Variants in SPATS2 observed in about 807,000 individuals in gnomAD.
SPATS2 encodes the protein spermatogenesis-associated serine-rich protein 2.
A neutral mutation model predicts 63.7 loss-of-function variants in SPATS2; 38 were observed. The observed-to-expected ratio is 0.60, with a 90% CI of 0.46 to 0.78. The LOEUF is 0.78. SPATS2 is among the 30% of genes least tolerant of loss of function. The probability of loss-of-function intolerance (pLI) is 0.00; values close to 1 mark genes in which losing one functional copy is unlikely to be tolerated. For missense variants in SPATS2, 588 were observed against 666.2 expected (o/e 0.88, Z 1.29); for synonymous variants, 207 against 232.9 (o/e 0.89, Z 1.01).
At chr12:49,394,388 AGTC>A (rs1944473664) in intron 2 of SPATS2, among the ~76,000 whole-genome samples, 1 of 151,920 alleles carries the variant, frequency 6.6e-6, no homozygotes, top group South Asian at 2.1e-4. Flanking sequence ...CTGCAAAAAA[AGTC>A]TGCTGGGATT....
At chr12:49,460,346 C>G (rs542276502) in intron 2 of SPATS2, among the ~76,000 whole-genome samples, 3 of 149,788 alleles carry the variant, frequency 2.0e-5, no homozygotes. Context: ...CCCAGCTACT[C>G]GGGAGGCTGA....
rs377023514 is a variant in SPATS2 at position 49,525,895 on chromosome 12, G to C, written c.1327-49G>C. The C allele has an allele frequency of 6.0e-5, 95 of 1,574,308 alleles. No homozygotes were observed. The African/African-American group carries it at 1.2e-3, about 19-fold the overall frequency. On this transcript the variant is annotated intron_variant, in intron 13 of 13. Coordinates refer to ENST00000552918, the MANE Select transcript of SPATS2 (RefSeq NM_023071.4). ...ATACTCCTGTAAAGTGAACGAATGGGGTACCATAATGCTAGAGCACCTTGA... is the reference window on the plus strand; with the variant it reads ...ATACTCCTGTAAAGTGAACGAATGGCGTACCATAATGCTAGAGCACCTTGA...
chr12:49,526,030 C>T lies in SPATS2; in HGVS notation c.1413C>T (p.Asp471=), dbSNP rs1019966664. 6.2e-7 allele frequency: 1 copy of T among 1,614,202 alleles called. No individual in the cohort carries two copies. Among genetic ancestry groups the T allele is most frequent in the African/African-American group, 1.3e-5 (1 of 75,054 alleles). Residue 471 remains aspartate (D), a synonymous_variant, in exon 14 of 14, where the codon GAC becomes GAT. Transcript: ENST00000552918. The part of the protein sequence containing the change: ...SNDPMNQGRH[D]SMGRYRNSSW... The stretch of plus-strand genomic sequence containing the variant: ...ACCCCATGAACCAAGGGCGGCATGA[C>T]AGTATGGGTCGTTACAGAAACAGCT...
At chr12:49,455,236 T>A (rs1945698651) in intron 2 of SPATS2, among the ~76,000 whole-genome samples, 1 of 152,230 alleles carries the variant, frequency 6.6e-6, no homozygotes, top group East Asian at 1.9e-4. Flanking sequence ...TGTCTGTAGA[T>A]CTTTGTGTGT....
At chr12:49,390,011 T>A in intron 2 of SPATS2, 1 of 872,766 alleles carries the variant, frequency 1.1e-6, no homozygotes, top group East Asian at 2.4e-5. Flanking sequence ...GAACAAGAAC[T>A]AATATTTCAA....
chr12:49,468,167 C>CT (rs551348032), intron 3 of SPATS2, among the ~76,000 whole-genome samples: 417 of 60,488 alleles, frequency 6.9e-3, no homozygotes, highest in South Asian at 0.027. Context: ...TTTTTTTTTT[C>CT]TTTTTTTTTT....
intron 2 of SPATS2, among the ~76,000 whole-genome samples, chr12:49,446,932 C>CTTTTT (rs568526407): frequency 1.4e-5 from 2 of 142,862 alleles, no homozygotes; most frequent in Non-Finnish European, 3.1e-5. Context: ...CTTTTCTTTT[C>CTTTTT]TTTTTTTTTT....
rs374496451 is a variant in SPATS2, at chr12:49,453,115, C to T, written c.-243-7655C>T. 1.9e-3 allele frequency among the ~76,000 whole-genome samples: 287 copies of T among 150,116 alleles called. 1 individual carries two copies. The highest frequency in any genetic ancestry group is 6.7e-3 in the African/African-American group (272 of 40,546). On this transcript the variant is annotated intron_variant, in intron 2 of 13. Transcript: ENST00000552918. ...CGGAGCTTGCAGTGAGCCAAGATTG[C>T]GCCACTGCACTCCCACCTGGGCTGC...
chr12:49,376,472 T>C (rs1488465227), intron 2 of SPATS2, among the ~76,000 whole-genome samples: 1 of 151,564 alleles, frequency 6.6e-6, no homozygotes, highest in African/African-American at 2.4e-5. Context: ...TCATGGCTCA[T>C]TGCAGCCTCC....
intron 5 of SPATS2, among the ~76,000 whole-genome samples, 169 bp downstream of exon 5, chr12:49,489,742 T>C (rs1946353253): frequency 6.6e-6 from 1 of 152,184 alleles, no homozygotes; most frequent in Non-Finnish European, 1.5e-5. Flanking sequence ...AAATAAGCTA[T>C]GTGGTGTCTA....
At chr12:49,379,766 G>T (rs1944180494) in intron 2 of SPATS2, among the ~76,000 whole-genome samples, 1 of 149,984 alleles carries the variant, frequency 6.7e-6, no homozygotes, top group African/African-American at 2.4e-5. Flanking sequence ...GAGACTACAG[G>T]CACACGCCAC....
chr12:49,389,253 G>A (rs1408471251), intron 2 of SPATS2, among the ~76,000 whole-genome samples: 1 of 152,132 alleles, frequency 6.6e-6, no homozygotes, highest in East Asian at 1.9e-4. Context: ...AGGAAATCTC[G>A]CAAGGCTGGA....
chr12:49,500,073 C>T lies in SPATS2; in HGVS notation c.707C>T (p.Ser236Phe). 6.9e-7 allele frequency: 1 copy of T among 1,454,578 alleles called. No individual in the cohort carries two copies. Among genetic ancestry groups the T allele is most frequent in the African/African-American group, 1.5e-5 (1 of 67,706 alleles). The allele number at this position is 1,454,578 out of a possible 1,614,324, so 90.1% of individuals were successfully genotyped here. Reference sequence around the variant, plus strand: ...TATTTCGGTTTTTTTCCCCAAGGTTCCAATATTGAAAAATCTGTAAAAGAC... The same window carrying T: ...TATTTCGGTTTTTTTCCCCAAGGTTTCAATATTGAAAAATCTGTAAAAGAC... ...VPLATSKKLSSNIEKSVKDLQ... is the reference protein window; with the variant it reads ...VPLATSKKLSFNIEKSVKDLQ... Residue 236 changes from serine to phenylalanine, a missense_variant, in exon 9 of 14, where the codon TCC (serine) becomes TTC (phenylalanine). By Grantham distance (155) the Ser-to-Phe change is radical. Coordinates refer to ENST00000552918, the MANE Select transcript of SPATS2 (RefSeq NM_023071.4).
intron 2 of SPATS2, among the ~76,000 whole-genome samples, chr12:49,379,791 T>A (rs1944181293): frequency 6.6e-6 from 1 of 151,524 alleles, no homozygotes; most frequent in Admixed American, 6.6e-5. Context: ...CCTGACTAAT[T>A]TTTGTATTTT....
chr12:49,382,186 T>G (rs950591361), intron 2 of SPATS2, among the ~76,000 whole-genome samples: 1 of 152,242 alleles, frequency 6.6e-6, no homozygotes, highest in Non-Finnish European at 1.5e-5. Context: ...CTGAAGTCTT[T>G]CGGGTGGATT....
chr12:49,423,757 G>A (rs903954996), intron 2 of SPATS2, among the ~76,000 whole-genome samples: 3 of 152,154 alleles, frequency 2.0e-5, no homozygotes, highest in African/African-American at 7.2e-5. Flanking sequence ...TCACCTAAAT[G>A]GATGTTGTTG....
chr12:49,516,720 A>G (rs888952474), intron 10 of SPATS2, among the ~76,000 whole-genome samples: 1 of 151,976 alleles, frequency 6.6e-6, no homozygotes, highest in African/African-American at 2.4e-5. Flanking sequence ...TAAAAAAAAA[A>G]AAAGAAAAGA....
Position 49,417,936 on chromosome 12 carries a change from A to C in SPATS2, c.-243-42834A>C, listed in dbSNP as rs1243600661. Among the ~76,000 whole-genome samples, 3 of 152,324 alleles carry C rather than the reference A, an allele frequency of 2.0e-5. No individual in the cohort carries two copies. The East Asian group carries it at 5.8e-4, about 29-fold the overall frequency. ...TGTTCTGTTGCCCAGGCAGTAGTGCAGTGGTATGATTTTGGCTCACTGCAA... is the reference window on the plus strand; with the variant it reads ...TGTTCTGTTGCCCAGGCAGTAGTGCCGTGGTATGATTTTGGCTCACTGCAA... On this transcript the variant is annotated intron_variant, in intron 2 of 13. Coordinates refer to ENST00000552918, the MANE Select transcript of SPATS2 (RefSeq NM_023071.4).
intron 3 of SPATS2, among the ~76,000 whole-genome samples, chr12:49,468,740 G>A (rs1013317025): frequency 2.6e-5 from 4 of 152,196 alleles, no homozygotes; most frequent in South Asian, 2.1e-4. Context: ...ACCTCCCAAC[G>A]TGCTGGGATT....
Sources: gnomAD v4.1 joint callset for allele counts (sites outside exome capture counted in the v4.1 genomes callset) on GRCh38, gnomAD v4.1.1 for gene constraint, MANE v1.5 for transcripts, NCBI Gene and HGNC (gene_info 2026-07-23, HGNC 2026-07-21) for gene names.